SAMMSON: variants seen among roughly 807,000 people sequenced by gnomAD.
SAMMSON encodes long intergenic non-protein coding RNA 1212.
At chr3:70,365,147 G>T (rs942955940) in intron 9 of SAMMSON, among the ~76,000 whole-genome samples, 1 of 151,518 alleles carries the variant, frequency 6.6e-6, no homozygotes, top group African/African-American at 2.4e-5. Flanking sequence ...CATCCTAAAA[G>T]CACTTTCTTA....
chr3:70,119,309 C>T (rs1379376345), intron 4 of SAMMSON, among the ~76,000 whole-genome samples: 1 of 152,168 alleles, frequency 6.6e-6, no homozygotes, highest in Non-Finnish European at 1.5e-5. Context: ...TCAGGTGATC[C>T]ACCTGCCTTG....
At chr3:70,148,987 T>C (rs2106685841) in intron 4 of SAMMSON, among the ~76,000 whole-genome samples, 1 of 152,192 alleles carries the variant, frequency 6.6e-6, no homozygotes, top group African/African-American at 2.4e-5. Context: ...CGAGGAATAA[T>C]GCTGGTTGGC....
At chr3:70,237,979 C>CTTTTGTTTTTTTTTTTT (rs1701627988) in intron 4 of SAMMSON, among the ~76,000 whole-genome samples, 1 of 48,932 alleles carries the variant, frequency 2.0e-5, no homozygotes, top group African/African-American at 1.1e-4. Flanking sequence ...TGAGTGGTAT[C>CTTTTGTTTTTTTTTTTT]TTTTTTTTTT....
intron 4 of SAMMSON, among the ~76,000 whole-genome samples, chr3:70,093,104 C>G (rs2106648736): frequency 6.6e-6 from 1 of 152,142 alleles, no homozygotes; most frequent in East Asian, 1.9e-4. Context: ...TGTTTCATGT[C>G]TCTTCCACAA....
chr3:70,177,924 C>T (rs1440208712), intron 4 of SAMMSON, among the ~76,000 whole-genome samples: 1 of 152,064 alleles, frequency 6.6e-6, no homozygotes, highest in African/African-American at 2.4e-5. Flanking sequence ...AATATATGTG[C>T]GTGTTTGTAT....
intron 4 of SAMMSON, among the ~76,000 whole-genome samples, chr3:70,242,004 GTTC>G (rs1463454208): frequency 6.6e-6 from 1 of 152,150 alleles, no homozygotes; most frequent in Non-Finnish European, 1.5e-5. Flanking sequence ...CACCAACACA[GTTC>G]TTCTGTGTGC....
chr3:70,078,280 CAGTT>C (rs1426003895), intron 4 of SAMMSON, among the ~76,000 whole-genome samples: 1 of 152,062 alleles, frequency 6.6e-6, no homozygotes, highest in Non-Finnish European at 1.5e-5. Flanking sequence ...CCAGTGTCAC[CAGTT>C]AGATAGCAAA....
chr3:70,410,993 A>G (rs1044381125), intron 2 of SAMMSON, among the ~76,000 whole-genome samples: 12 of 152,188 alleles, frequency 7.9e-5, no homozygotes, highest in African/African-American at 1.2e-4. Flanking sequence ...CTCATTCATT[A>G]TTATATCCAA....
intron 4 of SAMMSON, chr3:70,205,834 T>C (rs550390455): frequency 6.6e-6 from 1 of 152,246 alleles, no homozygotes; most frequent in Non-Finnish European, 1.5e-5. Context: ...CTTTAAATGC[T>C]AATGTAGATA....
At chr3:70,406,532 T>C (rs994333210) in intron 2 of SAMMSON, among the ~76,000 whole-genome samples, 1 of 152,150 alleles carries the variant, frequency 6.6e-6, no homozygotes, top group African/African-American at 2.4e-5. Context: ...AGCAACCATA[T>C]ATTAGGAAGC....
At chr3:70,154,646 CT>C (rs2067584885) in intron 4 of SAMMSON, among the ~76,000 whole-genome samples, 1 of 152,044 alleles carries the variant, frequency 6.6e-6, no homozygotes, top group Non-Finnish European at 1.5e-5. Flanking sequence ...AGCGAATGGC[CT>C]TGAACATCAG....
intron 4 of SAMMSON, among the ~76,000 whole-genome samples, chr3:70,122,764 G>A (rs1179086409): frequency 3.3e-5 from 5 of 152,170 alleles, no homozygotes; most frequent in African/African-American, 1.2e-4. Flanking sequence ...TCTCAAAATA[G>A]GATTGTTTTG....
intron 4 of SAMMSON, among the ~76,000 whole-genome samples, chr3:70,243,307 A>G (rs1701678386): frequency 6.6e-6 from 1 of 151,792 alleles, no homozygotes; most frequent in Admixed American, 6.6e-5. Context: ...TCAAGCAATA[A>G]TTTTCATTTT....
At chr3:70,096,511 T>C (rs902105181) in intron 4 of SAMMSON, among the ~76,000 whole-genome samples, 2 of 152,280 alleles carry the variant, frequency 1.3e-5, no homozygotes, top group Admixed American at 6.5e-5. Context: ...ACCACTGCGC[T>C]CCAGCCTAGG....
chr3:70,369,502 C>A (rs1702947937), intron 9 of SAMMSON, among the ~76,000 whole-genome samples: 1 of 150,260 alleles, frequency 6.7e-6, no homozygotes, highest in Non-Finnish European at 1.5e-5. Flanking sequence ...TTTTCCGTAC[C>A]TGTATTACTT....
At chr3:70,305,503 G>T (rs945481311) in intron 7 of SAMMSON, among the ~76,000 whole-genome samples, 15 of 152,140 alleles carry the variant, frequency 9.9e-5, no homozygotes, top group African/African-American at 3.4e-4. Context: ...CTGAGTGAGA[G>T]AATTAGATTG....
chr3:70,137,785 AT>A (rs1385014393), intron 4 of SAMMSON: 1 of 152,114 alleles, frequency 6.6e-6, no homozygotes, highest in Non-Finnish European at 1.5e-5. Flanking sequence ...CATTATTGAA[AT>A]TTTTTACACA....
intron 4 of SAMMSON, among the ~76,000 whole-genome samples, chr3:70,112,344 C>T (rs966241824): frequency 2.6e-5 from 4 of 152,050 alleles, no homozygotes; most frequent in African/African-American, 9.7e-5. Flanking sequence ...TACTATGCAG[C>T]AGTAAGGGGT....
chr3:70,362,662 G>A (rs1702882417), intron 9 of SAMMSON, among the ~76,000 whole-genome samples: 1 of 151,946 alleles, frequency 6.6e-6, no homozygotes, highest in Non-Finnish European at 1.5e-5. Flanking sequence ...AAGTGTGTAT[G>A]TGTGTATGTA....
Sources: gnomAD v4.1 joint callset for allele counts (sites outside exome capture counted in the v4.1 genomes callset) on GRCh38, gnomAD v4.1.1 for gene constraint, MANE v1.5 for transcripts, NCBI Gene and HGNC (gene_info 2026-07-23, HGNC 2026-07-21) for gene names.